Variants in VCAM1 observed in about 807,000 individuals in gnomAD.
VCAM1 encodes vascular cell adhesion protein 1.
In VCAM1, 41 loss-of-function variants were observed where a neutral mutation model predicts 63.8. The observed-to-expected ratio is 0.64, with a 90% CI of 0.50 to 0.83. The LOEUF is 0.83. VCAM1 is among the 40% of genes least tolerant of loss of function. VCAM1 has a pLI of 0.00. For synonymous variants in VCAM1, 338 were observed against 320.7 expected (o/e 1.05, Z -0.58); for missense variants, 798 against 875.5 (o/e 0.91, Z 1.12).
chr1:100,720,325 T>G, intron 1 of VCAM1, 151 bp from the exon 2 acceptor site: 2 of 1,057,770 alleles, frequency 1.9e-6, no homozygotes, highest in Non-Finnish European at 2.7e-6. Flanking sequence ...TGGCAGTGAC[T>G]TCGGTGCTTT....
At chr1:100,726,840 T>A (rs930211429) in intron 4 of VCAM1, among the ~76,000 whole-genome samples, 6 of 152,014 alleles carry the variant, frequency 3.9e-5, no homozygotes, top group African/African-American at 1.2e-4. Context: ...AAATAATATA[T>A]CTTTTTAAAT....
intron 2 of VCAM1, among the ~76,000 whole-genome samples, chr1:100,722,483 T>C (rs996206944): frequency 3.9e-5 from 6 of 152,080 alleles, no homozygotes; most frequent in Non-Finnish European, 7.4e-5. Context: ...AATGGAAATA[T>C]ATCTGCCCTG....
At chr1:100,720,008 G>C in intron 1 of VCAM1, 84 bp downstream of exon 1, 1 of 1,416,452 alleles carries the variant, frequency 7.1e-7, no homozygotes, top group Non-Finnish European at 9.9e-7. Flanking sequence ...TGCGATAGTA[G>C]TGAAGTAAAG....
Position 100,723,266 on chromosome 1 carries a change from G to T in VCAM1, c.587G>T (p.Arg196Leu). ...IEDIGKVLVC[R>L]AKLHIDEMDS... ...GATATTGGAAAAGTTCTTGTTTGCC[G>T]AGCTAAATTACACATTGATGAAATG... The change falls in exon 3 of 9, where the codon CGA becomes CTA. Residue 196 changes from arginine to leucine, a missense_variant. Arg to Leu is a moderately radical substitution (Grantham distance 102). Coordinates refer to ENST00000294728, the MANE Select transcript of VCAM1 (RefSeq NM_001078.4). The T allele has an allele frequency of 6.2e-7, 1 of 1,613,020 alleles. No individual in the cohort carries two copies. Among genetic ancestry groups the T allele is most frequent in the South Asian group, 1.1e-5 (1 of 91,042 alleles).
At chr1:100,727,018 T>G (rs1350739840) in intron 4 of VCAM1, among the ~76,000 whole-genome samples, 1 of 148,854 alleles carries the variant, frequency 6.7e-6, no homozygotes, top group Non-Finnish European at 1.5e-5. Context: ...TTAAAAAATC[T>G]GTAAACTCCT....
At position 100,729,219 on chromosome 1, in the gene VCAM1, G is replaced by A; in HGVS notation, c.1041G>A (p.Trp347Ter). The A allele has an allele frequency of 6.2e-7, 1 of 1,613,582 alleles. No homozygotes were observed. Among genetic ancestry groups the A allele is most frequent in the Non-Finnish European group, 8.5e-7 (1 of 1,179,714 alleles). Residue 347 changes from tryptophan (W) to a stop codon, truncating the protein, a stop_gained, in exon 5 of 9, where the codon TGG becomes TGA. Coordinates refer to ENST00000294728, the MANE Select transcript of VCAM1 (RefSeq NM_001078.4). LOFTEE classifies it high-confidence loss of function. The part of the protein sequence containing the change: ...VMGCESPSFS[W>*]RTQIDSPLSG... ...GCTGTGAATCCCCATCTTTCTCCTGGAGAACCCAGATAGACAGCCCTCTGA... is the reference window on the plus strand; with the variant it reads ...GCTGTGAATCCCCATCTTTCTCCTGAAGAACCCAGATAGACAGCCCTCTGA...
At position 100,729,333 on chromosome 1, in the gene VCAM1, G is replaced by T; in HGVS notation, c.1155G>T (p.Val385=). 6.2e-7 allele frequency: 1 copy of T among 1,611,660 alleles called. No homozygotes were observed. The highest frequency in any genetic ancestry group is 1.1e-5 in the South Asian group (1 of 90,714). ...FENEHSYLCT[V]TCGHKKLEKG... is the part of the protein sequence containing the mutation. ...ACGAACACTCTTATCTGTGCACAGTGACTTGTGGACATAAGAAACTGGAAA... is the reference window on the plus strand; with the variant it reads ...ACGAACACTCTTATCTGTGCACAGTTACTTGTGGACATAAGAAACTGGAAA... The change falls in exon 5 of 9, where the codon GTG becomes GTT. Residue 385 remains valine, a synonymous_variant. Transcript: ENST00000294728.
chr1:100,720,492 C>A lies in VCAM1; in HGVS notation c.81C>A (p.Ile27=). Residue 27 remains isoleucine, a synonymous_variant, in exon 2 of 9, where the codon ATC becomes ATA. Coordinates refer to ENST00000294728, the MANE Select transcript of VCAM1 (RefSeq NM_001078.4). ...CTTTTGCAGCTCAAGCTTTTAAAAT[C>A]GAGACCACCCCAGAATCTAGATATC... ...IMFAASQAFK[I]ETTPESRYLA... 1 of 1,604,624 alleles carries A rather than the reference C, an allele frequency of 6.2e-7. No individual in the cohort carries two copies.
chr1:100,727,931 A>G lies in VCAM1; in HGVS notation c.929-1176A>G, dbSNP rs1299562492. Among the ~76,000 whole-genome samples the G allele has an allele frequency of 2.6e-5, 4 of 152,132 alleles. No homozygotes were observed. The East Asian group carries it at 5.8e-4, about 22-fold the overall frequency. On this transcript the variant is annotated intron_variant, in intron 4 of 8. Transcript: ENST00000294728. ...GGCATAGATGAGAACCATGCAAAAT[A>G]TAATATGTTTGGATTATTTATATAT...
At chr1:100,721,181 T>C (rs766546843) in intron 2 of VCAM1, among the ~76,000 whole-genome samples, 13 of 152,170 alleles carry the variant, frequency 8.5e-5, no homozygotes, top group Non-Finnish European at 1.3e-4. Context: ...TTAAAATTAG[T>C]TTAAACATTA....
chr1:100,735,146 A>G (rs1660603926), intron 8 of VCAM1: 1 of 163,358 alleles, frequency 6.1e-6, no homozygotes, highest in South Asian at 1.9e-4. Flanking sequence ...TTTCTACCAG[A>G]AGGAAACACT....
rs1236621239 is a variant in VCAM1 at position 100,731,320 on chromosome 1, G to T, written c.1327G>T (p.Gly443Trp). 1 of 1,613,776 alleles carries T rather than the reference G, an allele frequency of 6.2e-7. No homozygotes were observed. Among genetic ancestry groups the T allele is most frequent in the Admixed American group, 1.7e-5 (1 of 59,950 alleles). Residue 443 changes from glycine to tryptophan, a missense_variant, in exon 6 of 9, where the codon GGG becomes TGG. By Grantham distance (184) the Gly-to-Trp change is radical. Transcript: ENST00000294728. This position sits in a 1 kb window ranked among gnomAD's most constrained non-coding sequence, Gnocchi z 4.2. The stretch of plus-strand genomic sequence containing the variant: ...CCGGCTGGAGATTGAATTACTTAAG[G>T]GGGAGACTATTCTGGAGAATATAGA... ...LDRLEIELLK[G>W]ETILENIEFL...
At position 100,723,120 on chromosome 1, in the gene VCAM1, G is replaced by C. The variant is rs1660011906; in HGVS notation, c.441G>C (p.Arg147Ser). The stretch of plus-strand genomic sequence containing the variant: ...TTGCTGATGTATACCCATTTGACAG[G>C]CTGGAGATAGACTTACTGAAAGGAG... ...CSVADVYPFDRLEIDLLKGDH... is the reference protein window; with the variant it reads ...CSVADVYPFDSLEIDLLKGDH... Residue 147 changes from arginine (R) to serine (S), a missense_variant, in exon 3 of 9, where the codon AGG becomes AGC. Coordinates refer to ENST00000294728, the MANE Select transcript of VCAM1 (RefSeq NM_001078.4). 1 of 1,612,950 alleles carries C rather than the reference G, an allele frequency of 6.2e-7. No individual in the cohort carries two copies. The highest frequency in any genetic ancestry group is 1.7e-5 in the Admixed American group (1 of 59,830).
Position 100,732,557 on chromosome 1 carries a change from A to G in VCAM1, c.1665A>G (p.Leu555=), listed in dbSNP as rs1571460918. The part of the protein sequence containing the change: ...LWSRQLPNGE[L]QPLSENATLT... ...GCAGGCAGCTCCCTAACGGGGAGCT[A>G]CAGCCTCTTTCTGAGAATGCAACTC... Residue 555 remains leucine, a synonymous_variant, in exon 7 of 9, where the codon CTA becomes CTG. Transcript: ENST00000294728. 1 of 1,613,360 alleles carries G rather than the reference A, an allele frequency of 6.2e-7. No homozygotes were observed. Among genetic ancestry groups the G allele is most frequent in the Non-Finnish European group, 8.5e-7 (1 of 1,179,716 alleles).
Position 100,731,334 on chromosome 1 carries a change from G to A in VCAM1, c.1341G>A (p.Leu447=). The change falls in exon 6 of 9, where the codon CTG becomes CTA. Residue 447 remains leucine, a synonymous_variant. Coordinates refer to ENST00000294728, the MANE Select transcript of VCAM1 (RefSeq NM_001078.4). The surrounding 1 kb of genome is among the most constrained non-coding windows in gnomAD (Gnocchi z 4.2). ...EIELLKGETI[L]ENIEFLEDTD... ...AATTACTTAAGGGGGAGACTATTCT[G>A]GAGAATATAGAGTTTTTGGAGGATA... 6 of 1,613,762 alleles carry A rather than the reference G, an allele frequency of 3.7e-6. No individual in the cohort carries two copies. Among genetic ancestry groups the A allele is most frequent in the South Asian group, 1.1e-5 (1 of 91,074 alleles).
At chr1:100,733,261 T>C (rs1276587928) in intron 7 of VCAM1, among the ~76,000 whole-genome samples, 2 of 152,132 alleles carry the variant, frequency 1.3e-5, no homozygotes, top group Admixed American at 6.5e-5. Context: ...AACAAGACAA[T>C]TATTAGTTCG....
intron 8 of VCAM1, chr1:100,735,825 A>C (rs1460994122): frequency 6.6e-6 from 1 of 152,200 alleles, no homozygotes; most frequent in Non-Finnish European, 1.5e-5. Flanking sequence ...TGCAGTGATT[A>C]TCCTGAAAAG....
At chr1:100,735,618 A>G (rs1173946183) in intron 8 of VCAM1, 1 of 152,214 alleles carries the variant, frequency 6.6e-6, no homozygotes, top group Non-Finnish European at 1.5e-5. Flanking sequence ...GAAAATTTGA[A>G]TCTACATCAG....
intron 8 of VCAM1, chr1:100,736,614 G>A (rs962204100): frequency 1.3e-5 from 2 of 152,100 alleles, no homozygotes; most frequent in Non-Finnish European, 2.9e-5. Flanking sequence ...AAAAGAAATA[G>A]AAATAGTATT....
Sources: gnomAD v4.1 joint callset for allele counts (sites outside exome capture counted in the v4.1 genomes callset) on GRCh38, gnomAD v4.1.1 for gene constraint, Gnocchi (gnomAD v3.1) non-coding constraint, MANE v1.5 for transcripts, NCBI Gene and HGNC (gene_info 2026-07-23, HGNC 2026-07-21) for gene names.